RPAP2: variants seen among roughly 807,000 people sequenced by gnomAD.
The protein encoded by RPAP2 is putative RNA polymerase II subunit B1 CTD phosphatase RPAP2.
Under a neutral mutation model 73.1 loss-of-function variants are expected in RPAP2, and 52 were observed. The ratio of observed to expected loss-of-function variants is 0.71; its 90% CI spans 0.57 to 0.90. The LOEUF is 0.90. RPAP2 is among the 40% of genes least tolerant of loss of function. The probability of loss-of-function intolerance (pLI) is 0.00; values close to 1 mark genes in which losing one functional copy is unlikely to be tolerated. For synonymous variants in RPAP2, 225 were observed against 242.1 expected, an observed-to-expected ratio of 0.93 and a Z score of 0.65; for missense variants, 598 against 701.8, an observed-to-expected ratio of 0.85 and a Z score of 1.67.
At chr1:92,371,033 A>G (rs1655125732) in intron 11 of RPAP2, among the ~76,000 whole-genome samples, 1 of 152,124 alleles carries the variant, frequency 6.6e-6, no homozygotes, top group African/African-American at 2.4e-5. Flanking sequence ...TAGGCCGGGC[A>G]CTGTGGCTCA....
rs1656043822 is a variant in RPAP2, at chr1:92,391,631, G to GTTA, written c.*4621_*4623dup. The GTTA allele has an allele frequency of 6.6e-6, 1 of 151,802 alleles. No homozygotes were observed. The highest frequency in any genetic ancestry group is 2.4e-5 in the African/African-American group (1 of 41,208). The allele number at this position is 151,802 out of a possible 1,614,324, so 9.4% of individuals were successfully genotyped here. ...AAAAGATCAACAAAATTGATAGACC[G>GTTA]TTAGCAAGGCTAAAAAAGAAGAAAA... On this transcript the variant is annotated 3_prime_UTR_variant, in exon 13 of 13. Coordinates refer to ENST00000610020, the MANE Select transcript of RPAP2 (RefSeq NM_024813.3).
At chr1:92,304,147 TAAG>T in intron 4 of RPAP2, 72 bp downstream of exon 4, 2 of 1,307,130 alleles carry the variant, frequency 1.5e-6, no homozygotes, top group Non-Finnish European at 2.2e-6. Context: ...GTTGTAAGAA[TAAG>T]AAATAAAACC....
At chr1:92,333,576 A>C in intron 9 of RPAP2, 103 bp downstream of exon 9, 2 of 802,402 alleles carry the variant, frequency 2.5e-6, no homozygotes, top group South Asian at 3.5e-5. Flanking sequence ...AACATTTTGA[A>C]AAATAATGTG....
intron 6 of RPAP2, among the ~76,000 whole-genome samples, chr1:92,316,501 T>C (rs745491033): frequency 6.6e-6 from 1 of 152,230 alleles, no homozygotes; most frequent in African/African-American, 2.4e-5. Flanking sequence ...TTCTTTGGCA[T>C]AAGTTATTTC....
chr1:92,346,784 A>G (rs577098857), intron 11 of RPAP2, among the ~76,000 whole-genome samples: 1 of 152,286 alleles, frequency 6.6e-6, no homozygotes, highest in South Asian at 2.1e-4. Flanking sequence ...CTATTTATCA[A>G]TAGGGTTAAA....
At chr1:92,348,103 C>T (rs974166210) in intron 11 of RPAP2, among the ~76,000 whole-genome samples, 8 of 152,196 alleles carry the variant, frequency 5.3e-5, no homozygotes, top group African/African-American at 1.9e-4. Context: ...GTTGGTCAGG[C>T]TGGTCTCGAA....
At chr1:92,384,597 C>A (rs1655786295) in intron 12 of RPAP2, among the ~76,000 whole-genome samples, 1 of 149,998 alleles carries the variant, frequency 6.7e-6, no homozygotes. Context: ...GCACTCCAGC[C>A]TGGGTGACAG....
At chr1:92,382,540 A>G (rs564007961) in intron 12 of RPAP2, among the ~76,000 whole-genome samples, 5,911 of 151,998 alleles carry the variant, frequency 0.039, 293 homozygotes, top group African/African-American at 0.12. Context: ...GCATTTTTTC[A>G]TGTGTCTTTT....
chr1:92,348,786 A>G (rs1654047428), intron 11 of RPAP2, among the ~76,000 whole-genome samples: 1 of 152,240 alleles, frequency 6.6e-6, no homozygotes, highest in African/African-American at 2.4e-5. Flanking sequence ...ATTGACTTCT[A>G]TAAAGTATAA....
At chr1:92,381,269 T>A (rs12757533) in intron 12 of RPAP2, among the ~76,000 whole-genome samples, 42,508 of 152,052 alleles carry the variant, frequency 0.28, 6,865 homozygotes, top group Non-Finnish European at 0.35. Context: ...CCCCTTTCAG[T>A]GAAATCAACC....
chr1:92,300,231 T>C lies in RPAP2; in HGVS notation c.111T>C (p.Ala37=). 6.2e-7 allele frequency: 1 copy of C among 1,608,860 alleles called. No individual in the cohort carries two copies. The highest frequency in any genetic ancestry group is 1.1e-5 in the South Asian group (1 of 90,930). ...CAAGTACTTTGAAACAAGAAGATGC[T>C]TCTAAAAGGTATGACAGCTACATGG... ...KQTSTLKQED[A]SKRKAELEAA... is the part of the protein sequence containing the mutation. Residue 37 remains alanine, a synonymous_variant, in exon 2 of 13, where the codon GCT becomes GCC. Transcript: ENST00000610020.
chr1:92,333,932 C>T (rs1272170673), intron 9 of RPAP2, among the ~76,000 whole-genome samples: 1 of 152,200 alleles, frequency 6.6e-6, no homozygotes, highest in African/African-American at 2.4e-5. Context: ...TTCAACTCAA[C>T]GTTGCACTTT....
At chr1:92,348,448 A>G (rs1654028100) in intron 11 of RPAP2, among the ~76,000 whole-genome samples, 1 of 152,038 alleles carries the variant, frequency 6.6e-6, no homozygotes, top group East Asian at 1.9e-4. Flanking sequence ...TTGTTTTCTG[A>G]TAATTCTAAC....
intron 12 of RPAP2, among the ~76,000 whole-genome samples, chr1:92,382,405 A>G (rs533660684): frequency 6.6e-6 from 1 of 152,072 alleles, no homozygotes; most frequent in Non-Finnish European, 1.5e-5. Context: ...AAGTGTTCCT[A>G]TTTCTCCACA....
At chr1:92,304,906 G>A (rs113325107) in intron 5 of RPAP2, among the ~76,000 whole-genome samples, 2,971 of 151,580 alleles carry the variant, frequency 0.02, 120 homozygotes, top group African/African-American at 0.068. Context: ...GAGGCCAAGG[G>A]GGGCGGATTA....
intron 11 of RPAP2, among the ~76,000 whole-genome samples, chr1:92,373,083 A>G (rs936147237): frequency 5.3e-5 from 8 of 152,258 alleles, no homozygotes; most frequent in Admixed American, 4.6e-4. Flanking sequence ...CATTGTCCTC[A>G]TGACGTTCAC....
At chr1:92,358,763 A>T (rs184134596) in intron 11 of RPAP2, among the ~76,000 whole-genome samples, 1 of 152,080 alleles carries the variant, frequency 6.6e-6, no homozygotes, top group Admixed American at 6.5e-5. Flanking sequence ...TTAAAAAAAA[A>T]AATTGTAGAG....
intron 11 of RPAP2, among the ~76,000 whole-genome samples, chr1:92,359,058 C>T (rs1654618867): frequency 6.6e-6 from 1 of 152,162 alleles, no homozygotes. Flanking sequence ...CTTGCCCCCA[C>T]CTTTTATGGA....
chr1:92,330,303 TC>T (rs957742281), intron 8 of RPAP2, among the ~76,000 whole-genome samples: 31 of 152,306 alleles, frequency 2.0e-4, no homozygotes, highest in African/African-American at 7.2e-4. Flanking sequence ...TTGGTTGTAA[TC>T]ATTTGGTAAA....
Sources: allele counts gnomAD v4.1 joint callset (sites outside exome capture counted in the v4.1 genomes callset), GRCh38; gene constraint gnomAD v4.1.1; transcripts MANE v1.5; gene names NCBI Gene and HGNC (gene_info 2026-07-23, HGNC 2026-07-21).